Variants in HYCC2 observed in about 807,000 individuals in gnomAD.
The protein encoded by HYCC2 is hyccin 2.
chr2:201,043,356 C>T, the HYCC2 span, among the ~76,000 whole-genome samples: 1 of 151,142 alleles, frequency 6.6e-6, no homozygotes, highest in African/African-American at 2.4e-5. Flanking sequence ...TATCTGCTGA[C>T]CTTCCCTCCA....
At chr2:201,009,015 C>T in the HYCC2 span, 1 of 1,613,848 alleles carries the variant, frequency 6.2e-7, no homozygotes. Context: ...ATGAAGATCA[C>T]TATAAACAAC....
chr2:200,991,980 C>T, the HYCC2 span, among the ~76,000 whole-genome samples: 84 of 152,110 alleles, frequency 5.5e-4, 2 homozygotes, highest in Non-Finnish European at 7.9e-4. Context: ...ATTTTAGTGA[C>T]TTGTCCTATC....
chr2:200,978,929 C>G, the HYCC2 span: 1 of 152,106 alleles, frequency 6.6e-6, no homozygotes. Context: ...ATTTAGATGC[C>G]AATAAATGCA....
the HYCC2 span, among the ~76,000 whole-genome samples, chr2:201,061,918 C>T: frequency 6.6e-6 from 1 of 151,622 alleles, no homozygotes; most frequent in Middle Eastern, 3.2e-3. Context: ...CCAGCCTGAG[C>T]AACAAAGCAA....
the HYCC2 span, among the ~76,000 whole-genome samples, chr2:201,056,397 G>A: frequency 9.9e-5 from 15 of 152,252 alleles, no homozygotes; most frequent in Middle Eastern, 0.01. Context: ...TCTGCCAGCC[G>A]GGCGCAGTGG....
chr2:201,023,876 T>C, the HYCC2 span: 1 of 1,028,174 alleles, frequency 9.7e-7, no homozygotes, highest in Non-Finnish European at 1.5e-6. Context: ...GAGCACATAA[T>C]GTTTCTCCAT....
chr2:201,003,347 C>A, the HYCC2 span, among the ~76,000 whole-genome samples: 1 of 152,266 alleles, frequency 6.6e-6, no homozygotes, highest in Non-Finnish European at 1.5e-5. Flanking sequence ...ATGTGTCCAG[C>A]CCAAGACTTA....
the HYCC2 span, chr2:200,979,011 A>G: frequency 6.6e-6 from 1 of 152,100 alleles, no homozygotes; most frequent in African/African-American, 2.4e-5. Flanking sequence ...CTCCAGCCAT[A>G]GCCAAGATCT....
At chr2:201,011,759 G>A in the HYCC2 span, among the ~76,000 whole-genome samples, 2 of 152,092 alleles carry the variant, frequency 1.3e-5, no homozygotes, top group South Asian at 2.1e-4. Flanking sequence ...GCAGGCAAAC[G>A]AATCAATTTG....
the HYCC2 span, among the ~76,000 whole-genome samples, chr2:201,001,644 G>A: frequency 6.6e-6 from 1 of 151,882 alleles, no homozygotes; most frequent in Non-Finnish European, 1.5e-5. Flanking sequence ...CTACTCAATT[G>A]TATGCTTTAA....
the HYCC2 span, among the ~76,000 whole-genome samples, chr2:201,004,746 T>G: frequency 6.6e-5 from 10 of 152,164 alleles, no homozygotes; most frequent in Non-Finnish European, 1.2e-4. Flanking sequence ...CCGGGTGCAG[T>G]GGCTCACGCC....
At chr2:201,063,587 T>C in the HYCC2 span, 194 of 1,582,662 alleles carry the variant, frequency 1.2e-4, no homozygotes, top group South Asian at 7.7e-4. Context: ...CATTCAGAAA[T>C]ACCACACTGT....
At chr2:201,011,486 A>G in the HYCC2 span, 1 of 1,391,172 alleles carries the variant, frequency 7.2e-7, no homozygotes, top group Non-Finnish European at 9.9e-7. Context: ...TAGTCAAAAA[A>G]TATACAAAGA....
chr2:200,986,684 T>C, the HYCC2 span, among the ~76,000 whole-genome samples: 26 of 152,188 alleles, frequency 1.7e-4, no homozygotes, highest in Admixed American at 7.9e-4. Context: ...TTTAATTCCA[T>C]TGAATTGAAT....
chr2:201,035,065 T>C, the HYCC2 span, among the ~76,000 whole-genome samples: 10 of 152,220 alleles, frequency 6.6e-5, no homozygotes, highest in African/African-American at 2.4e-4. Flanking sequence ...TTGGTGAATC[T>C]GACAATTATG....
chr2:200,995,846 A>G, the HYCC2 span, among the ~76,000 whole-genome samples: 2 of 152,174 alleles, frequency 1.3e-5, no homozygotes, highest in Non-Finnish European at 2.9e-5. Context: ...CTCAATTTGT[A>G]GCAATTTATT....
At chr2:200,977,774 CCA>C in the HYCC2 span, 10 of 152,320 alleles carry the variant, frequency 6.6e-5, no homozygotes, top group African/African-American at 2.4e-4. Flanking sequence ...TCACCTGAGC[CCA>C]GGGAGGTTGA....
At chr2:201,049,410 C>T in the HYCC2 span, among the ~76,000 whole-genome samples, 2 of 151,898 alleles carry the variant, frequency 1.3e-5, no homozygotes. Flanking sequence ...AGTGCACTGG[C>T]GCGATCTTGG....
chr2:200,994,079 G>GTAA, the HYCC2 span, among the ~76,000 whole-genome samples: 1 of 152,148 alleles, frequency 6.6e-6, no homozygotes, highest in East Asian at 1.9e-4. Context: ...AGGAATAAAT[G>GTAA]TAATGTTAGA....
Sources: gnomAD v4.1 joint callset for allele counts (sites outside exome capture counted in the v4.1 genomes callset) on GRCh38, gnomAD v4.1.1 for gene constraint, MANE v1.5 for transcripts, NCBI Gene and HGNC (gene_info 2026-07-23, HGNC 2026-07-21) for gene names.